CTNND2: variants seen among roughly 807,000 people sequenced by gnomAD.
CTNND2 encodes catenin delta 2.
CTNND2 carries 22 observed loss-of-function variants against 144.4 expected under a neutral mutation model. The ratio of observed to expected loss-of-function variants is 0.15; its 90% CI spans 0.11 to 0.22. The LOEUF (loss-of-function observed/expected upper bound fraction) is 0.22. Among genes scored for constraint, CTNND2 ranks in the 10% least tolerant of loss-of-function variants. The pLI is 1.00. For missense variants in CTNND2, 1,353 were observed against 1,618.8 expected, an observed-to-expected ratio of 0.84 and a Z score of 2.82; for synonymous variants, 751 against 695.6, an observed-to-expected ratio of 1.08 and a Z score of -1.25.
chr5:11,578,401 G>T (rs1164416966), intron 2 of CTNND2, among the ~76,000 whole-genome samples: 1 of 152,028 alleles, frequency 6.6e-6, no homozygotes, highest in Admixed American at 6.6e-5. Flanking sequence ...AGTGGCTCAT[G>T]TCTGTAATCC....
intron 5 of CTNND2, among the ~76,000 whole-genome samples, chr5:11,407,007 A>T (rs11301535): frequency 9.5e-6 from 1 of 105,642 alleles, no homozygotes; most frequent in African/African-American, 9.6e-5. Flanking sequence ...CATACGAGTT[A>T]TTTTTTTCCA....
At chr5:11,370,507 A>G (rs1185107567) in intron 7 of CTNND2, among the ~76,000 whole-genome samples, 1 of 152,242 alleles carries the variant, frequency 6.6e-6, no homozygotes, top group Admixed American at 6.5e-5. Flanking sequence ...TGCTTTATTC[A>G]AACAATTCCA....
At chr5:11,116,186 A>G (rs1753524660) in intron 13 of CTNND2, among the ~76,000 whole-genome samples, 1 of 152,228 alleles carries the variant, frequency 6.6e-6, no homozygotes, top group African/African-American at 2.4e-5. Context: ...GGCAATTCTA[A>G]TAAAGAGTCA....
At chr5:11,763,860 A>ATTG (rs1789424212) in intron 1 of CTNND2, among the ~76,000 whole-genome samples, 2 of 152,044 alleles carry the variant, frequency 1.3e-5, no homozygotes, top group African/African-American at 4.8e-5. Context: ...TCATCCTGAC[A>ATTG]TTGCATGAAA....
chr5:11,458,289 T>C (rs568680762), intron 3 of CTNND2, among the ~76,000 whole-genome samples: 6 of 152,282 alleles, frequency 3.9e-5, no homozygotes, highest in Non-Finnish European at 8.8e-5. Flanking sequence ...GCAACTTCCA[T>C]GACAGTTGTT....
Position 11,384,518 on chromosome 5 carries a change from G to T in CTNND2, c.1177+147C>A, listed in dbSNP as rs1758839464. On this transcript the variant is annotated intron_variant, in intron 7 of 21. Transcript: ENST00000304623. The surrounding 1 kb of genome is among the most constrained non-coding windows in gnomAD (Gnocchi z 5.2). ...GTAGGGAAGATACTGACTTGTTCCA[G>T]GAAAGCCCTGGCGTTCTCTGTCTCC... 1 of 679,896 alleles carries T rather than the reference G, an allele frequency of 1.5e-6. No homozygotes were observed. Among genetic ancestry groups the T allele is most frequent in the African/African-American group, 1.8e-5 (1 of 55,268 alleles). 42.1% of individuals were successfully genotyped at this position (679,896 alleles called of 1,614,324 possible). A position where few individuals can be genotyped will look rare whatever the true frequency, so the allele number is the denominator to read the frequency against.
chr5:11,129,028 A>AT (rs1755125843), intron 12 of CTNND2, among the ~76,000 whole-genome samples: 4 of 23,914 alleles, frequency 1.7e-4, no homozygotes, highest in Non-Finnish European at 3.3e-4. Flanking sequence ...ATAAATAAAA[A>AT]ATATAAATAT....
intron 10 of CTNND2, among the ~76,000 whole-genome samples, chr5:11,223,081 GCAGGGGC>G (rs1739959419): frequency 6.6e-6 from 1 of 152,182 alleles, no homozygotes; most frequent in South Asian, 2.1e-4. Context: ...CTGGGCTTTA[GCAGGGGC>G]CAGTTAGGTG....
chr5:11,144,679 G>A (rs778334353), intron 12 of CTNND2, among the ~76,000 whole-genome samples: 2 of 152,138 alleles, frequency 1.3e-5, no homozygotes, highest in Non-Finnish European at 2.9e-5. Context: ...GGAAGAAGCT[G>A]TATTTCTCTC....
At chr5:11,810,826 A>G (rs1792289768) in intron 1 of CTNND2, among the ~76,000 whole-genome samples, 1 of 152,134 alleles carries the variant, frequency 6.6e-6, no homozygotes, top group Non-Finnish European at 1.5e-5. Flanking sequence ...TCCTAGGGTA[A>G]GTTAGGCAAC....
intron 13 of CTNND2, among the ~76,000 whole-genome samples, chr5:11,113,164 CA>C (rs925771037): frequency 1.3e-5 from 2 of 151,522 alleles, no homozygotes; most frequent in Non-Finnish European, 2.9e-5. Context: ...AAAAAACAAG[CA>C]AAAAAAACAC....
chr5:11,504,596 G>C (rs1770839046), intron 3 of CTNND2, among the ~76,000 whole-genome samples: 1 of 152,134 alleles, frequency 6.6e-6, no homozygotes, highest in African/African-American at 2.4e-5. Flanking sequence ...AGATGGTTGG[G>C]GCCAGGCCAG....
intron 1 of CTNND2, among the ~76,000 whole-genome samples, chr5:11,758,787 T>G (rs183865155): frequency 1.4e-4 from 21 of 152,206 alleles, no homozygotes; most frequent in South Asian, 1.2e-3. Flanking sequence ...GTAATTTCCC[T>G]GACCAATTAA....
intron 9 of CTNND2, among the ~76,000 whole-genome samples, chr5:11,344,388 T>A (rs1754565716): frequency 6.9e-6 from 1 of 144,906 alleles, no homozygotes; most frequent in African/African-American, 2.6e-5. Context: ...CGAGACTCCG[T>A]CTCAAAAAAA....
rs190230402 is a variant in CTNND2, at chr5:10,978,503, G to T, written c.3417+3270C>A. Among the ~76,000 whole-genome samples the T allele has an allele frequency of 3.1e-4, 47 of 151,332 alleles. No homozygotes were observed. The East Asian group carries it at 6.8e-3, about 22-fold the overall frequency. ...TCCTTGGAAATACTTTTTGGGGAGG[G>T]GGGGGAACCCTCTCTTTGGTGGACG... On this transcript the variant is annotated intron_variant, in intron 21 of 21. Coordinates refer to ENST00000304623, the MANE Select transcript of CTNND2 (RefSeq NM_001332.4).
chr5:11,760,164 A>C (rs1171472700), intron 1 of CTNND2, among the ~76,000 whole-genome samples: 2 of 152,072 alleles, frequency 1.3e-5, no homozygotes, highest in Non-Finnish European at 2.9e-5. Context: ...GTTATGAAGA[A>C]GGAAGGTTTC....
chr5:11,145,017 T>C (rs558654112), intron 12 of CTNND2, among the ~76,000 whole-genome samples: 2 of 152,224 alleles, frequency 1.3e-5, no homozygotes, highest in African/African-American at 4.8e-5. Context: ...AAGCAATTTA[T>C]GTGCATGACT....
At chr5:11,539,683 C>T (rs13170650) in intron 3 of CTNND2, among the ~76,000 whole-genome samples, 35,224 of 152,140 alleles carry the variant, frequency 0.23, 4,108 homozygotes, top group East Asian at 0.3. Flanking sequence ...GCCTTCAATG[C>T]CACTGGGGCT....
intron 16 of CTNND2, among the ~76,000 whole-genome samples, chr5:11,078,164 G>C (rs1165399778): frequency 6.6e-6 from 1 of 152,196 alleles, no homozygotes; most frequent in African/African-American, 2.4e-5. Context: ...AGAGGTGATG[G>C]AGAGGAGAGG....
Sources: gnomAD v4.1 joint callset for allele counts (sites outside exome capture counted in the v4.1 genomes callset) on GRCh38, gnomAD v4.1.1 for gene constraint, Gnocchi (gnomAD v3.1) non-coding constraint, MANE v1.5 for transcripts, NCBI Gene and HGNC (gene_info 2026-07-23, HGNC 2026-07-21) for gene names.